Variants in COX10 observed in about 807,000 individuals in gnomAD.
COX10 encodes the protein protoheme IX farnesyltransferase, mitochondrial.
A neutral mutation model predicts 37.3 loss-of-function variants in COX10; 27 were observed. The ratio of observed to expected loss-of-function variants is 0.72; its 90% CI spans 0.53 to 1.00. The LOEUF (loss-of-function observed/expected upper bound fraction) is 1.00. COX10 is among the 50% of genes least tolerant of loss of function. COX10 has a pLI of 0.00. For synonymous variants in COX10, 222 were observed against 229.1 expected (o/e 0.97, Z 0.28); for missense variants, 475 against 563.2 (o/e 0.84, Z 1.59).
intron 5 of COX10, among the ~76,000 whole-genome samples, chr17:14,172,548 G>C (rs1242359387): frequency 1.3e-5 from 2 of 149,448 alleles, no homozygotes; most frequent in Non-Finnish European, 3.0e-5. Context: ...ATACCTTTTG[G>C]CTATTCGTAT....
intron 4 of COX10, among the ~76,000 whole-genome samples, chr17:14,122,709 C>G (rs538746371): frequency 6.6e-6 from 1 of 152,258 alleles, no homozygotes; most frequent in East Asian, 1.9e-4. Flanking sequence ...TTCATTGCCA[C>G]AGAATACTTG....
chr17:14,106,169 A>G (rs1046847404), intron 4 of COX10, among the ~76,000 whole-genome samples: 1 of 151,964 alleles, frequency 6.6e-6, no homozygotes, highest in African/African-American at 2.4e-5. Flanking sequence ...GGCGCCCGCC[A>G]CCGTGCCCAC....
Position 14,188,425 on chromosome 17 carries a change from T to G in COX10, c.696-3564T>G, listed in dbSNP as rs184272173. Among the ~76,000 whole-genome samples the G allele has an allele frequency of 8.6e-5, 13 of 151,136 alleles. No homozygotes were observed. In the East Asian group the frequency reaches 2.3e-3, roughly 27 times the overall value. On this transcript the variant is annotated intron_variant, in intron 5 of 6. Transcript: ENST00000261643. Reference sequence around the variant, plus strand: ...AGATGGTTCCAGGTCATATGATGTATGAGGGAACTTCAAAAAGATTATGGA... The same window carrying G: ...AGATGGTTCCAGGTCATATGATGTAGGAGGGAACTTCAAAAAGATTATGGA...
At chr17:14,080,370 C>T (rs1053532369) in intron 3 of COX10, among the ~76,000 whole-genome samples, 2 of 151,906 alleles carry the variant, frequency 1.3e-5, no homozygotes, top group Non-Finnish European at 2.9e-5. Flanking sequence ...CCTGCCACCA[C>T]GCCTGGCTAA....
At chr17:14,153,613 C>G (rs962809861) in intron 4 of COX10, among the ~76,000 whole-genome samples, 1 of 152,180 alleles carries the variant, frequency 6.6e-6, no homozygotes, top group African/African-American at 2.4e-5. Context: ...TACCACATAA[C>G]ATGACCAAAA....
chr17:14,121,501 A>G (rs1455816390), intron 4 of COX10, among the ~76,000 whole-genome samples: 2 of 152,152 alleles, frequency 1.3e-5, no homozygotes, highest in African/African-American at 2.4e-5. Flanking sequence ...CACGATGGCT[A>G]GGGACACAGA....
intron 5 of COX10, among the ~76,000 whole-genome samples, chr17:14,187,276 A>T (rs1439333491): frequency 6.6e-6 from 1 of 152,076 alleles, no homozygotes; most frequent in Non-Finnish European, 1.5e-5. Context: ...ACAAAAGTCT[A>T]CCCATAAGAT....
chr17:14,204,999 C>T (rs1389992367), intron 6 of COX10, among the ~76,000 whole-genome samples: 1 of 151,956 alleles, frequency 6.6e-6, no homozygotes. Flanking sequence ...GCCAGCTATT[C>T]AGGAGGCTGA....
rs1597514057 is a variant in COX10 at position 14,133,826 on chromosome 17, A to T, written c.625-26051A>T. Among the ~76,000 whole-genome samples the T allele has an allele frequency of 2.0e-5, 3 of 151,682 alleles. No homozygotes were observed. In the East Asian group the frequency reaches 5.8e-4, roughly 29 times the overall value. ...AAAATAGTGTTTAATTCAGATTTTTATGAGTTTCAGTGTAGTCTTAATTAG... is the reference window on the plus strand; with the variant it reads ...AAAATAGTGTTTAATTCAGATTTTTTTGAGTTTCAGTGTAGTCTTAATTAG... On this transcript the variant is annotated intron_variant, in intron 4 of 6. Coordinates refer to ENST00000261643, the MANE Select transcript of COX10 (RefSeq NM_001303.4).
At chr17:14,135,421 C>T (rs1397491953) in intron 4 of COX10, among the ~76,000 whole-genome samples, 1 of 151,492 alleles carries the variant, frequency 6.6e-6, no homozygotes, top group Non-Finnish European at 1.5e-5. Flanking sequence ...CAAATTTTAC[C>T]GTGTATAAAG....
At chr17:14,122,667 G>A (rs1029005362) in intron 4 of COX10, among the ~76,000 whole-genome samples, 1 of 152,148 alleles carries the variant, frequency 6.6e-6, no homozygotes, top group East Asian at 1.9e-4. Context: ...GGCAGTTGGC[G>A]ATTGGTGCCA....
chr17:14,097,664 A>C (rs1297201651), intron 3 of COX10, among the ~76,000 whole-genome samples: 2 of 152,160 alleles, frequency 1.3e-5, no homozygotes, highest in South Asian at 4.1e-4. Context: ...TCATGTAACT[A>C]CATACCCTTT....
At chr17:14,155,354 C>A (rs1486336816) in intron 4 of COX10, among the ~76,000 whole-genome samples, 5 of 146,290 alleles carry the variant, frequency 3.4e-5, no homozygotes. Context: ...AAACAGCAAT[C>A]AAGTGACATT....
intron 6 of COX10, among the ~76,000 whole-genome samples, chr17:14,194,513 G>A (rs551894125): frequency 2.6e-5 from 4 of 152,168 alleles, no homozygotes; most frequent in South Asian, 2.1e-4. Flanking sequence ...TGCAACCTCC[G>A]CTTCCTGGGT....
intron 5 of COX10, among the ~76,000 whole-genome samples, chr17:14,164,178 C>T (rs936207139): frequency 3.9e-5 from 6 of 152,162 alleles, no homozygotes; most frequent in Non-Finnish European, 7.4e-5. Flanking sequence ...GGTGGTGTCC[C>T]ATCATGGTTT....
intron 4 of COX10, among the ~76,000 whole-genome samples, chr17:14,145,408 C>T (rs1284246325): frequency 1.3e-5 from 2 of 152,162 alleles, no homozygotes; most frequent in Non-Finnish European, 2.9e-5. Flanking sequence ...AGGGCAAAAA[C>T]TAATAAGCCC....
rs540064873 is a variant in COX10 at position 14,162,218 on chromosome 17, T to C, written c.695+2271T>C. 4.6e-5 allele frequency among the ~76,000 whole-genome samples: 7 copies of C among 152,302 alleles called. No homozygotes were observed. The South Asian group carries it at 1.2e-3, about 27-fold the overall frequency. On this transcript the variant is annotated intron_variant, in intron 5 of 6. Coordinates refer to ENST00000261643, the MANE Select transcript of COX10 (RefSeq NM_001303.4). Reference sequence around the variant, plus strand: ...AATGGATAGCATATACTTATAAAATTTGTAGACCACAATCACTTTCAGAAT... The same window carrying C: ...AATGGATAGCATATACTTATAAAATCTGTAGACCACAATCACTTTCAGAAT...
intron 6 of COX10, among the ~76,000 whole-genome samples, chr17:14,203,209 G>T (rs1225162898): frequency 6.6e-6 from 1 of 151,980 alleles, no homozygotes; most frequent in Non-Finnish European, 1.5e-5. Context: ...GAGTGTGTTT[G>T]CATGAGCTAA....
chr17:14,119,371 G>C (rs1179515580), intron 4 of COX10, among the ~76,000 whole-genome samples: 1 of 151,906 alleles, frequency 6.6e-6, no homozygotes, highest in Non-Finnish European at 1.5e-5. Context: ...TTCAACTTGT[G>C]TTCACCTGTT....
Sources: gnomAD v4.1 joint callset for allele counts (sites outside exome capture counted in the v4.1 genomes callset) on GRCh38, gnomAD v4.1.1 for gene constraint, MANE v1.5 for transcripts, NCBI Gene and HGNC (gene_info 2026-07-23, HGNC 2026-07-21) for gene names.